The following C3orf70 variants were observed in gnomAD, a reference collection of about 807,000 sequenced individuals.
The protein encoded by C3orf70 is UPF0524 protein C3orf70.
C3orf70 carries 15 observed loss-of-function variants against 20.7 expected under a neutral mutation model. The observed-to-expected ratio is 0.72, with a 90% confidence interval of 0.48 to 1.11. The LOEUF (loss-of-function observed/expected upper bound fraction) is 1.11, where lower values mean the gene tolerates loss of function less well. Among genes scored for constraint, C3orf70 ranks in the 50% most tolerant of loss-of-function variants. The pLI is 0.00. For synonymous variants in C3orf70, 161 were observed against 125.7 expected, an observed-to-expected ratio of 1.28 and a Z score of -1.88; for missense variants, 332 against 317.6, an observed-to-expected ratio of 1.05 and a Z score of -0.34.
chr3:185,084,193 A>C (rs942485171), intron 1 of C3orf70, among the ~76,000 whole-genome samples: 2 of 150,484 alleles, frequency 1.3e-5, no homozygotes, highest in African/African-American at 2.4e-5. Context: ...AAAAAAAAAA[A>C]CAACCAAGTT....
At chr3:185,141,476 G>C (rs1209511753) in intron 1 of C3orf70, among the ~76,000 whole-genome samples, 1 of 152,024 alleles carries the variant, frequency 6.6e-6, no homozygotes, top group Non-Finnish European at 1.5e-5. Context: ...GTTTACAGCA[G>C]ATTTATTTAT....
At chr3:185,114,200 C>T (rs1716131715) in intron 1 of C3orf70, among the ~76,000 whole-genome samples, 1 of 149,970 alleles carries the variant, frequency 6.7e-6, no homozygotes, top group East Asian at 1.9e-4. Flanking sequence ...ACTCCGCCCC[C>T]ACCCCCCAAA....
At chr3:185,144,906 T>C (rs540522404) in intron 1 of C3orf70, among the ~76,000 whole-genome samples, 24 of 152,306 alleles carry the variant, frequency 1.6e-4, no homozygotes, top group African/African-American at 5.8e-4. Flanking sequence ...GGCGCTTGGA[T>C]GAAACAGAAT....
At position 185,121,033 on chromosome 3, in the gene C3orf70, T is replaced by C. The variant is rs551571542; in HGVS notation, c.196+31595A>G. Among the ~76,000 whole-genome samples, 7 of 152,284 alleles carry C rather than the reference T, an allele frequency of 4.6e-5. No individual in the cohort carries two copies. The South Asian group carries it at 1.5e-3, about 32-fold the overall frequency. The stretch of plus-strand genomic sequence containing the variant: ...GAAAATGTGGTATATATGTATACGA[T>C]GGAATACTGGTCAGCATAAAAAGGA... On this transcript the variant is annotated intron_variant, in intron 1 of 1. Transcript: ENST00000335012.
chr3:185,077,304 C>A lies in C3orf70; in HGVS notation c.*5703G>T, dbSNP rs187046155. Among the ~76,000 whole-genome samples the A allele has an allele frequency of 6.6e-6, 1 of 152,018 alleles. No homozygotes were observed. The highest frequency in any genetic ancestry group is 1.5e-5 in the Non-Finnish European group (1 of 67,998). Reference sequence around the variant, plus strand: ...TAATGCAGACAATGGGCCAAGAGTGCGGACTCTAGAGCCAAAGTGACCGGG... The same window carrying A: ...TAATGCAGACAATGGGCCAAGAGTGAGGACTCTAGAGCCAAAGTGACCGGG... On this transcript the variant is annotated 3_prime_UTR_variant, in exon 2 of 2. Transcript: ENST00000335012.
At chr3:185,134,534 A>G (rs1716583655) in intron 1 of C3orf70, among the ~76,000 whole-genome samples, 1 of 152,152 alleles carries the variant, frequency 6.6e-6, no homozygotes, top group African/African-American at 2.4e-5. Context: ...TGGGGCTAAA[A>G]AAGTTGTCAA....
intron 1 of C3orf70, 57 bp from the exon 2 acceptor site, chr3:185,083,620 G>T: frequency 7.0e-7 from 1 of 1,427,284 alleles, no homozygotes; most frequent in Non-Finnish European, 9.3e-7. Flanking sequence ...TATTAACATG[G>T]CCATAATGGT....
chr3:185,147,050 C>A (rs1716891647), intron 1 of C3orf70, among the ~76,000 whole-genome samples: 1 of 152,198 alleles, frequency 6.6e-6, no homozygotes, highest in Non-Finnish European at 1.5e-5. Flanking sequence ...TCTTGAAAAG[C>A]ACTCCCAAAT....
At position 185,077,473 on chromosome 3, in the gene C3orf70, T is replaced by C. The variant is rs1473327777; in HGVS notation, c.*5534A>G. 6.6e-6 allele frequency among the ~76,000 whole-genome samples: 1 copy of C among 152,204 alleles called. No individual in the cohort carries two copies. The highest frequency in any genetic ancestry group is 1.5e-5 in the Non-Finnish European group (1 of 68,034). On this transcript the variant is annotated 3_prime_UTR_variant, in exon 2 of 2. Transcript: ENST00000335012. ...CTGTGGAGATTATGCATAGAAAGCTTAAGGTAGCCATTGAACTATAATTAA... is the reference window on the plus strand; with the variant it reads ...CTGTGGAGATTATGCATAGAAAGCTCAAGGTAGCCATTGAACTATAATTAA...
chr3:185,112,982 A>G (rs375411848), intron 1 of C3orf70, among the ~76,000 whole-genome samples: 1 of 152,234 alleles, frequency 6.6e-6, no homozygotes, highest in Non-Finnish European at 1.5e-5. Flanking sequence ...GTCACTGAAC[A>G]TGAGTTAAAT....
chr3:185,110,796 C>A (rs1561345595), intron 1 of C3orf70, among the ~76,000 whole-genome samples: 1 of 152,254 alleles, frequency 6.6e-6, no homozygotes, highest in Non-Finnish European at 1.5e-5. Context: ...ACTAGCCCAA[C>A]CTATTCCTTT....
At chr3:185,106,705 C>T (rs886450336) in intron 1 of C3orf70, among the ~76,000 whole-genome samples, 44 of 152,216 alleles carry the variant, frequency 2.9e-4, no homozygotes, top group Non-Finnish European at 2.4e-4. Flanking sequence ...CCGGTAGTGC[C>T]GCAGTAGATC....
At chr3:185,151,862 C>T (rs1716995006) in intron 1 of C3orf70, among the ~76,000 whole-genome samples, 1 of 152,172 alleles carries the variant, frequency 6.6e-6, no homozygotes, top group African/African-American at 2.4e-5. Flanking sequence ...TAAATGGCTA[C>T]TTAAGTTTAA....
chr3:185,101,425 C>T (rs1715821683), intron 1 of C3orf70, among the ~76,000 whole-genome samples: 2 of 151,898 alleles, frequency 1.3e-5, no homozygotes, highest in South Asian at 2.1e-4. Flanking sequence ...CTAAAGACAA[C>T]CACACAATTA....
At chr3:185,096,097 TA>T (rs1299425292) in intron 1 of C3orf70, among the ~76,000 whole-genome samples, 2 of 152,172 alleles carry the variant, frequency 1.3e-5, no homozygotes, top group Non-Finnish European at 2.9e-5. Flanking sequence ...ATTATTAACA[TA>T]TACATGAATT....
At position 185,078,079 on chromosome 3, in the gene C3orf70, T is replaced by A. The variant is rs1332000327; in HGVS notation, c.*4928A>T. 22 of 152,578 alleles carry A rather than the reference T, an allele frequency of 1.4e-4. No homozygotes were observed. Among genetic ancestry groups the A allele is most frequent in the Non-Finnish European group, 2.6e-4 (18 of 68,036 alleles). The allele number at this position is 152,578 out of a possible 1,614,324, so 9.5% of individuals were successfully genotyped here. On this transcript the variant is annotated 3_prime_UTR_variant, in exon 2 of 2. Coordinates refer to ENST00000335012, the MANE Select transcript of C3orf70 (RefSeq NM_001025266.3). ...GGTATAAAAGAAAAAAAAAATCACG[T>A]TTATTTTACAAGGCAGTTATTTTCC... is the stretch of plus-strand genomic sequence containing the variant.
At chr3:185,130,403 G>A (rs749455113) in intron 1 of C3orf70, among the ~76,000 whole-genome samples, 113 of 152,258 alleles carry the variant, frequency 7.4e-4, no homozygotes, top group African/African-American at 2.7e-3. Flanking sequence ...GCAGTGAGCC[G>A]AGATCGCACC....
chr3:185,120,021 C>CAAAAAAA (rs375867678), intron 1 of C3orf70, among the ~76,000 whole-genome samples: 1 of 87,208 alleles, frequency 1.1e-5, no homozygotes, highest in African/African-American at 5.1e-5. Context: ...GACTCTGTCT[C>CAAAAAAA]AAAAAAAAAA....
chr3:185,109,647 C>G, intron 1 of C3orf70, among the ~76,000 whole-genome samples: 1 of 152,298 alleles, frequency 6.6e-6, no homozygotes, highest in East Asian at 1.9e-4. Flanking sequence ...TCACCACTGC[C>G]GTGAGTATTC....
Sources: gnomAD v4.1 joint callset for allele counts (sites outside exome capture counted in the v4.1 genomes callset) on GRCh38, gnomAD v4.1.1 for gene constraint, MANE v1.5 for transcripts, NCBI Gene and HGNC (gene_info 2026-07-23, HGNC 2026-07-21) for gene names.